The following ERBB4 variants were observed in gnomAD, a reference collection of about 807,000 sequenced individuals.
The protein encoded by ERBB4 is erb-b2 receptor tyrosine kinase 4.
ERBB4 carries 42 observed loss-of-function variants against 158.0 expected under a neutral mutation model. The ratio of observed to expected loss-of-function variants is 0.27; its 90% CI spans 0.21 to 0.34. The LOEUF (loss-of-function observed/expected upper bound fraction) is 0.34. Among genes scored for constraint, ERBB4 ranks in the 10% least tolerant of loss-of-function variants. The pLI is 1.00. For synonymous variants in ERBB4, 583 were observed against 558.7 expected (o/e 1.04, Z -0.61); for missense variants, 1,333 against 1,624.1 (o/e 0.82, Z 3.08).
chr2:212,004,471 T>A (rs2076213852), intron 2 of ERBB4, among the ~76,000 whole-genome samples: 1 of 152,202 alleles, frequency 6.6e-6, no homozygotes, highest in Non-Finnish European at 1.5e-5. Flanking sequence ...CATAAAATCT[T>A]CTCATCTCTG....
At chr2:211,648,562 T>C (rs2070866118) in intron 16 of ERBB4, among the ~76,000 whole-genome samples, 1 of 151,766 alleles carries the variant, frequency 6.6e-6, no homozygotes, top group South Asian at 2.1e-4. Flanking sequence ...GGAGGGTTTG[T>C]GTTTTGTTCT....
intron 2 of ERBB4, among the ~76,000 whole-genome samples, chr2:212,042,638 T>A (rs971491622): frequency 6.6e-6 from 1 of 152,112 alleles, no homozygotes; most frequent in Non-Finnish European, 1.5e-5. Context: ...GTGCCTATAA[T>A]CTTTCTTTGT....
At chr2:212,520,617 T>C (rs1464800187) in intron 1 of ERBB4, among the ~76,000 whole-genome samples, 1 of 151,888 alleles carries the variant, frequency 6.6e-6, no homozygotes, top group East Asian at 1.9e-4. Flanking sequence ...TCTAAAAAAA[T>C]AGCTTTCATT....
chr2:211,628,431 G>A (rs1479002196), intron 17 of ERBB4, among the ~76,000 whole-genome samples: 2 of 152,040 alleles, frequency 1.3e-5, no homozygotes, highest in Admixed American at 1.3e-4. Context: ...TGGTTTTATT[G>A]TCCTTGCGAT....
intron 1 of ERBB4, among the ~76,000 whole-genome samples, chr2:212,203,820 C>T (rs1250508820): frequency 6.6e-6 from 1 of 152,094 alleles, no homozygotes; most frequent in East Asian, 1.9e-4. Context: ...AAGATAACAC[C>T]ATTGCTTTCA....
At chr2:211,462,669 T>C (rs2064567311) in intron 20 of ERBB4, among the ~76,000 whole-genome samples, 1 of 152,164 alleles carries the variant, frequency 6.6e-6, no homozygotes, top group Non-Finnish European at 1.5e-5. Context: ...GTTACACTTC[T>C]TAGGATTCCT....
At chr2:212,384,900 TATATATATATATATATATATAC>T (rs1270568884) in intron 1 of ERBB4, among the ~76,000 whole-genome samples, 1 of 137,326 alleles carries the variant, frequency 7.3e-6, no homozygotes, top group African/African-American at 2.9e-5. Context: ...AATATATATA[TATATATATATATATATATATAC>T]ACACACACAC....
chr2:211,529,735 A>G (rs2066444898), intron 20 of ERBB4, among the ~76,000 whole-genome samples: 1 of 152,138 alleles, frequency 6.6e-6, no homozygotes, highest in South Asian at 2.1e-4. Flanking sequence ...CAACAGAATA[A>G]AGGACCAAAA....
intron 4 of ERBB4, among the ~76,000 whole-genome samples, chr2:211,768,257 T>C (rs538954142): frequency 6.6e-6 from 1 of 152,224 alleles, no homozygotes; most frequent in South Asian, 2.1e-4. Context: ...CCTGTGGCTC[T>C]GCAGGGTACA....
chr2:212,031,798 T>G (rs1218022281), intron 2 of ERBB4, among the ~76,000 whole-genome samples: 1 of 152,126 alleles, frequency 6.6e-6, no homozygotes, highest in Non-Finnish European at 1.5e-5. Flanking sequence ...TCACAAAATT[T>G]TTAGAGAAGT....
intron 2 of ERBB4, among the ~76,000 whole-genome samples, chr2:211,952,600 A>G (rs1199349310): frequency 6.6e-6 from 1 of 152,064 alleles, no homozygotes; most frequent in Non-Finnish European, 1.5e-5. Flanking sequence ...TAACGGTAGG[A>G]AATGTGGGCT....
At chr2:212,060,723 C>T (rs564673816) in intron 2 of ERBB4, among the ~76,000 whole-genome samples, 31 of 149,874 alleles carry the variant, frequency 2.1e-4, no homozygotes, top group African/African-American at 7.0e-4. Context: ...AAAAACCAAA[C>T]ACCACATGGT....
intron 2 of ERBB4, among the ~76,000 whole-genome samples, chr2:212,012,578 C>A (rs1187377410): frequency 6.6e-6 from 1 of 151,976 alleles, no homozygotes; most frequent in Admixed American, 6.6e-5. Context: ...CCATGTCCAG[C>A]CAATTTTTGC....
intron 1 of ERBB4, among the ~76,000 whole-genome samples, chr2:212,446,447 C>T (rs2092349372): frequency 6.7e-6 from 1 of 150,366 alleles, no homozygotes; most frequent in Non-Finnish European, 1.5e-5. Flanking sequence ...GAGTTGGATG[C>T]TTTCTGCCCT....
intron 20 of ERBB4, among the ~76,000 whole-genome samples, chr2:211,468,941 AG>A (rs2064766223): frequency 6.6e-6 from 1 of 151,794 alleles, no homozygotes; most frequent in Admixed American, 6.6e-5. Flanking sequence ...AAACCCTTAA[AG>A]GCAGAGAGTC....
chr2:211,657,252 T>C (rs2071250189), intron 16 of ERBB4, among the ~76,000 whole-genome samples: 2 of 151,690 alleles, frequency 1.3e-5, no homozygotes, highest in Non-Finnish European at 2.9e-5. Flanking sequence ...CTCACACTTG[T>C]AATCCCAGTA....
chr2:211,859,779 T>G (rs1209819624), intron 3 of ERBB4, among the ~76,000 whole-genome samples: 1 of 152,168 alleles, frequency 6.6e-6, no homozygotes, highest in East Asian at 1.9e-4. Context: ...ACACATATAA[T>G]TAGTAGGTTA....
chr2:212,195,054 C>A (rs1027750451), intron 1 of ERBB4, among the ~76,000 whole-genome samples: 1 of 151,932 alleles, frequency 6.6e-6, no homozygotes, highest in Non-Finnish European at 1.5e-5. Flanking sequence ...AACCACAACA[C>A]ATTAAATTGC....
intron 19 of ERBB4, among the ~76,000 whole-genome samples, chr2:211,577,741 G>C (rs2125760379): frequency 6.6e-6 from 1 of 152,088 alleles, no homozygotes; most frequent in East Asian, 1.9e-4. Flanking sequence ...TGCAGCAAAG[G>C]CCTTCAATAA....
Sources: allele counts gnomAD v4.1 joint callset (sites outside exome capture counted in the v4.1 genomes callset), GRCh38; gene constraint gnomAD v4.1.1; transcripts MANE v1.5; gene names NCBI Gene and HGNC (gene_info 2026-07-23, HGNC 2026-07-21).